The following SOX5 variants were observed in gnomAD, a reference collection of about 807,000 sequenced individuals.
SOX5 encodes SRY-box transcription factor 5.
A neutral mutation model predicts 92.0 loss-of-function variants in SOX5; 9 were observed. The observed-to-expected ratio is 0.10, with a 90% CI of 0.06 to 0.17. SOX5 has a LOEUF of 0.17. Ranked by LOEUF, SOX5 falls within the 10% of genes least tolerant of loss-of-function variation. The pLI, the probability that SOX5 is intolerant of heterozygous loss-of-function variation, is 1.00. For missense variants in SOX5, 642 were observed against 944.5 expected (o/e 0.68, Z 4.20); for synonymous variants, 344 against 336.3 (o/e 1.02, Z -0.25).
intron 9 of SOX5, among the ~76,000 whole-genome samples, chr12:23,577,346 C>T (rs919282444): frequency 1.3e-5 from 2 of 151,126 alleles, no homozygotes; most frequent in African/African-American, 2.4e-5. Flanking sequence ...CTACGTGGTG[C>T]ACACCACCAC....
At chr12:24,201,688 A>G (rs1957534462) in intron 4 of SOX5, among the ~76,000 whole-genome samples, 1 of 152,210 alleles carries the variant, frequency 6.6e-6, no homozygotes, top group African/African-American at 2.4e-5. Flanking sequence ...ATGTTGTCAC[A>G]GAGTATTAGT....
At chr12:24,421,978 G>A (rs191711743) in intron 1 of SOX5, among the ~76,000 whole-genome samples, 39 of 152,284 alleles carry the variant, frequency 2.6e-4, no homozygotes, top group African/African-American at 8.2e-4. Context: ...ATTATTGCAG[G>A]TTGGCCACAG....
At chr12:24,215,292 A>G (rs1263228466) in intron 3 of SOX5, among the ~76,000 whole-genome samples, 1 of 152,150 alleles carries the variant, frequency 6.6e-6, no homozygotes, top group Non-Finnish European at 1.5e-5. Flanking sequence ...TCCAGGCTGG[A>G]AAGAAAGAAG....
chr12:23,534,640 AT>A, intron 14 of SOX5, 118 bp from the exon 15 acceptor site: 1 of 714,538 alleles, frequency 1.4e-6, no homozygotes, highest in Non-Finnish European at 2.2e-6. Flanking sequence ...ATTTTATCTA[AT>A]TGCCTAACAT....
chr12:24,050,383 T>C (rs1470743760), intron 4 of SOX5, among the ~76,000 whole-genome samples: 2 of 152,176 alleles, frequency 1.3e-5, no homozygotes, highest in East Asian at 3.8e-4. Context: ...ACGGTGAGTG[T>C]ATACCTGTTC....
At chr12:24,075,357 A>G (rs565789323) in intron 4 of SOX5, among the ~76,000 whole-genome samples, 68 of 151,716 alleles carry the variant, frequency 4.5e-4, no homozygotes, top group African/African-American at 6.5e-4. Flanking sequence ...TTTATAGCAC[A>G]TAAGTCTTAA....
chr12:23,814,548 A>G (rs1378427272), intron 3 of SOX5, among the ~76,000 whole-genome samples: 2 of 152,086 alleles, frequency 1.3e-5, no homozygotes, highest in East Asian at 1.9e-4. Context: ...CTACAAAACA[A>G]TTTTTCTGAA....
At chr12:24,471,352 CA>C (rs1448594730) in intron 1 of SOX5, among the ~76,000 whole-genome samples, 1 of 152,076 alleles carries the variant, frequency 6.6e-6, no homozygotes, top group African/African-American at 2.4e-5. Context: ...TCTAAATACT[CA>C]ATATAAAAAA....
intron 4 of SOX5, among the ~76,000 whole-genome samples, chr12:24,069,962 CA>C (rs568522063): frequency 6.6e-6 from 1 of 152,230 alleles, no homozygotes; most frequent in Admixed American, 6.5e-5. Context: ...TGCTTCTTGA[CA>C]ATCATGGGGA....
intron 3 of SOX5, among the ~76,000 whole-genome samples, chr12:23,803,712 G>T (rs1318348221): frequency 6.6e-6 from 1 of 152,204 alleles, no homozygotes; most frequent in Non-Finnish European, 1.5e-5. Context: ...GTGCTGTGAG[G>T]TAGAAACAGT....
At chr12:23,892,858 T>G (rs1847655464) in intron 2 of SOX5, among the ~76,000 whole-genome samples, 1 of 152,194 alleles carries the variant, frequency 6.6e-6, no homozygotes, top group African/African-American at 2.4e-5. Context: ...TCTGATATGC[T>G]GACATATAGA....
intron 6 of SOX5, among the ~76,000 whole-genome samples, chr12:23,733,122 T>A (rs780107989): frequency 1.8e-4 from 28 of 152,152 alleles, no homozygotes; most frequent in Non-Finnish European, 3.5e-4. Context: ...CCATTTACAA[T>A]ATGAGTTGAA....
At chr12:24,110,969 A>G (rs1947277130) in intron 4 of SOX5, among the ~76,000 whole-genome samples, 1 of 151,302 alleles carries the variant, frequency 6.6e-6, no homozygotes, top group African/African-American at 2.4e-5. Context: ...TTCGTTCTCA[A>G]ATTTTACGCT....
Position 23,600,848 on chromosome 12 carries a change from C to T in SOX5, c.1164+3539G>A, listed in dbSNP as rs73273894. ...TATAAATAATTATGCTCCTGGGCTG[C>T]AGTTCAAAGCTCAGTACAGCACTCG... is the stretch of plus-strand genomic sequence containing the variant. On this transcript the variant is annotated intron_variant, in intron 9 of 14. Transcript: ENST00000451604. 3.8e-3 allele frequency among the ~76,000 whole-genome samples: 585 copies of T among 152,028 alleles called. 6 individuals are homozygous for T. The highest frequency in any genetic ancestry group is 0.013 in the African/African-American group (535 of 41,458).
chr12:24,072,710 C>G (rs1442167791), intron 4 of SOX5, among the ~76,000 whole-genome samples: 1 of 152,204 alleles, frequency 6.6e-6, no homozygotes, highest in African/African-American at 2.4e-5. Flanking sequence ...ACCTACTCCT[C>G]ACCTCAAAGA....
At chr12:23,762,768 A>T (rs1594167536) in intron 3 of SOX5, among the ~76,000 whole-genome samples, 1 of 152,100 alleles carries the variant, frequency 6.6e-6, no homozygotes, top group Non-Finnish European at 1.5e-5. Context: ...TTTATATCAC[A>T]TTTTAGAAGA....
At chr12:24,515,190 G>T (rs982808755) in intron 1 of SOX5, among the ~76,000 whole-genome samples, 6 of 152,188 alleles carry the variant, frequency 3.9e-5, no homozygotes, top group African/African-American at 1.4e-4. Flanking sequence ...TCTGATTTCA[G>T]ACTGCCTGGG....
chr12:24,113,394 T>C (rs1017612074), intron 4 of SOX5, among the ~76,000 whole-genome samples: 1 of 151,976 alleles, frequency 6.6e-6, no homozygotes, highest in African/African-American at 2.4e-5. Flanking sequence ...ATAATATTTA[T>C]TTGTTTTCAT....
chr12:24,477,815 ATAGT>A (rs1183626096), intron 1 of SOX5, among the ~76,000 whole-genome samples: 2 of 152,026 alleles, frequency 1.3e-5, no homozygotes, highest in African/African-American at 2.4e-5. Flanking sequence ...ATATTTACCT[ATAGT>A]TAGATAGAAG....
Sources: allele counts gnomAD v4.1 joint callset (sites outside exome capture counted in the v4.1 genomes callset), GRCh38; gene constraint gnomAD v4.1.1; transcripts MANE v1.5; gene names NCBI Gene and HGNC (gene_info 2026-07-23, HGNC 2026-07-21).